Variants in CNTN4 observed in about 807,000 individuals in gnomAD.
CNTN4 encodes contactin 4.
Under a neutral mutation model 122.5 loss-of-function variants are expected in CNTN4, and 77 were observed. That is an observed-to-expected ratio of 0.63 (90% CI 0.52 to 0.76). The LOEUF (loss-of-function observed/expected upper bound fraction) is 0.76, where lower values mean the gene tolerates loss of function less well. Ranked by LOEUF, CNTN4 falls within the 30% of genes least tolerant of loss-of-function variation. The pLI is 0.00. For missense variants in CNTN4, 1,256 were observed against 1,259.1 expected (o/e 1.00, Z 0.04); for synonymous variants, 512 against 447.0 (o/e 1.15, Z -1.83).
At chr3:2,204,624 C>G (rs547969570) in intron 2 of CNTN4, among the ~76,000 whole-genome samples, 33 of 152,088 alleles carry the variant, frequency 2.2e-4, no homozygotes, top group African/African-American at 7.5e-4. Context: ...AAATCTTTTT[C>G]CTCTTTTCAG....
chr3:2,781,839 C>G (rs558212414), intron 6 of CNTN4, among the ~76,000 whole-genome samples: 1 of 134,514 alleles, frequency 7.4e-6, no homozygotes. Context: ...ATTCTCCTGC[C>G]TCAGCCTCCC....
intron 13 of CNTN4, among the ~76,000 whole-genome samples, chr3:2,976,376 G>T (rs1205243919): frequency 1.3e-5 from 2 of 152,132 alleles, no homozygotes; most frequent in South Asian, 4.2e-4. Context: ...GGGTCTGAAC[G>T]CAGCTTGTTC....
chr3:2,572,364 C>T (rs1281482546), intron 4 of CNTN4, among the ~76,000 whole-genome samples: 2 of 152,098 alleles, frequency 1.3e-5, no homozygotes, highest in Non-Finnish European at 2.9e-5. Flanking sequence ...CCAGCCTGGG[C>T]AACAGAGTGA....
chr3:2,904,580 A>G (rs142406886), intron 12 of CNTN4, among the ~76,000 whole-genome samples: 3 of 152,232 alleles, frequency 2.0e-5, no homozygotes, highest in Non-Finnish European at 4.4e-5. Context: ...AATCCTAAAC[A>G]CACATACTTC....
At chr3:2,381,034 C>G (rs1286973432) in intron 3 of CNTN4, among the ~76,000 whole-genome samples, 1 of 150,566 alleles carries the variant, frequency 6.6e-6, no homozygotes, top group Non-Finnish European at 1.5e-5. Context: ...GAGACAGAGT[C>G]TTGGTCAGTC....
In CNTN4 at chr3:2,238,877, C is replaced by G. The variant is rs1403463136; in HGVS notation, c.-144-100301C>G. ...CGAGTAGCTGGGACTACAGGCGCCG[C>G]CACCACGCCTGGCTAATTTTTGTAT... On this transcript the variant is annotated intron_variant, in intron 2 of 24. Transcript: ENST00000418658. 4 of 64,758 alleles carry G rather than the reference C, an allele frequency of 6.2e-5. 1 individual carries two copies. The highest frequency in any genetic ancestry group is 6.6e-5 in the Non-Finnish European group (2 of 30,328). The allele number at this position is 64,758 out of a possible 1,614,324, so 4.0% of individuals were successfully genotyped here.
At chr3:2,329,754 A>T (rs1044703254) in intron 2 of CNTN4, among the ~76,000 whole-genome samples, 2 of 152,178 alleles carry the variant, frequency 1.3e-5, no homozygotes, top group African/African-American at 4.8e-5. Context: ...TATTAAAAAC[A>T]GCCTTTGCTT....
At chr3:2,436,922 A>T (rs750517014) in intron 3 of CNTN4, among the ~76,000 whole-genome samples, 1 of 151,650 alleles carries the variant, frequency 6.6e-6, no homozygotes, top group Non-Finnish European at 1.5e-5. Context: ...TATTAAGTTG[A>T]GAATATACCT....
chr3:2,476,410 G>T (rs950655657), intron 3 of CNTN4, among the ~76,000 whole-genome samples: 5 of 152,274 alleles, frequency 3.3e-5, no homozygotes, highest in Admixed American at 1.3e-4. Flanking sequence ...TTCACCACCT[G>T]ATAGCTGTAA....
intron 3 of CNTN4, among the ~76,000 whole-genome samples, chr3:2,392,959 C>CTGT (rs2150899962): frequency 6.6e-6 from 1 of 152,252 alleles, no homozygotes; most frequent in African/African-American, 2.4e-5. Context: ...TCTTAGGGCT[C>CTGT]TTGTAACAAA....
At chr3:2,786,042 T>C (rs989264230) in intron 6 of CNTN4, among the ~76,000 whole-genome samples, 1 of 152,000 alleles carries the variant, frequency 6.6e-6, no homozygotes, top group African/African-American at 2.4e-5. Context: ...GGAGAGGATT[T>C]GGGCTGGGGA....
chr3:2,634,687 AAT>A (rs869025837), intron 4 of CNTN4, among the ~76,000 whole-genome samples: 14 of 133,150 alleles, frequency 1.1e-4, no homozygotes, highest in Admixed American at 3.0e-4. Flanking sequence ...AAAAAAAAAA[AAT>A]ATATATATAT....
intron 4 of CNTN4, among the ~76,000 whole-genome samples, chr3:2,718,955 C>T (rs905237684): frequency 5.3e-5 from 8 of 152,118 alleles, no homozygotes; most frequent in Non-Finnish European, 8.8e-5. Flanking sequence ...CCTGAAATTG[C>T]ATGTACATAT....
intron 4 of CNTN4, among the ~76,000 whole-genome samples, chr3:2,626,102 C>A (rs2082174432): frequency 6.6e-6 from 1 of 152,180 alleles, no homozygotes; most frequent in Admixed American, 6.5e-5. Flanking sequence ...TCTTGAGTTG[C>A]ACACGTATTC....
intron 4 of CNTN4, among the ~76,000 whole-genome samples, chr3:2,623,610 G>A (rs2149956106): frequency 6.6e-6 from 1 of 152,330 alleles, no homozygotes; most frequent in Admixed American, 6.5e-5. Flanking sequence ...TATTAGGAGA[G>A]AGGGTTGTGT....
At chr3:2,776,445 A>G (rs1043927720) in intron 6 of CNTN4, among the ~76,000 whole-genome samples, 4 of 152,216 alleles carry the variant, frequency 2.6e-5, no homozygotes, top group African/African-American at 9.6e-5. Context: ...AGCCAGGAAT[A>G]AGGAAATAAG....
At chr3:2,815,096 A>G (rs915326153) in intron 6 of CNTN4, among the ~76,000 whole-genome samples, 1 of 152,214 alleles carries the variant, frequency 6.6e-6, no homozygotes, top group African/African-American at 2.4e-5. Flanking sequence ...CTGAAAATGG[A>G]TTAAGGACTT....
intron 3 of CNTN4, among the ~76,000 whole-genome samples, chr3:2,491,974 G>GT (rs781408042): frequency 3.1e-3 from 468 of 149,844 alleles, no homozygotes; most frequent in African/African-American, 7.1e-3. Flanking sequence ...TTAAGTCTTT[G>GT]TTTTTTTTTA....
intron 4 of CNTN4, among the ~76,000 whole-genome samples, chr3:2,732,401 T>C (rs2088761646): frequency 6.6e-6 from 1 of 152,084 alleles, no homozygotes; most frequent in Non-Finnish European, 1.5e-5. Flanking sequence ...AGACGCATTG[T>C]ATTATTAAAT....
Sources: gnomAD v4.1 joint callset for allele counts (sites outside exome capture counted in the v4.1 genomes callset) on GRCh38, gnomAD v4.1.1 for gene constraint, MANE v1.5 for transcripts, NCBI Gene and HGNC (gene_info 2026-07-23, HGNC 2026-07-21) for gene names.